The following MFN1 variants were observed in gnomAD, a reference collection of about 807,000 sequenced individuals.
MFN1 encodes the protein mitofusin 1, also known as mitofusin-1.
In MFN1, 65 loss-of-function variants were observed where a neutral mutation model predicts 92.4. That is an observed-to-expected ratio of 0.70 (90% confidence interval 0.58 to 0.86). The LOEUF (loss-of-function observed/expected upper bound fraction) is 0.86. MFN1 is among the 40% of genes least tolerant of loss of function. The pLI is 0.00. For missense variants in MFN1, 781 were observed against 868.0 expected (o/e 0.90, Z 1.26); for synonymous variants, 297 against 300.9 (o/e 0.99, Z 0.13).
intron 10 of MFN1, among the ~76,000 whole-genome samples, chr3:179,375,619 G>A (rs1224920979): frequency 2.0e-5 from 3 of 152,286 alleles, no homozygotes; most frequent in Non-Finnish European, 2.9e-5. Context: ...TATCTTTGAA[G>A]CAGTGGAAGA....
chr3:179,389,346 AGTTC>A (rs1560202492), intron 16 of MFN1, among the ~76,000 whole-genome samples: 5 of 152,194 alleles, frequency 3.3e-5, no homozygotes, highest in Admixed American at 2.0e-4. Flanking sequence ...CCCACGCAGC[AGTTC>A]ATGCTAGGGG....
At chr3:179,373,122 G>A (rs528939314) in intron 9 of MFN1, among the ~76,000 whole-genome samples, 43 of 152,176 alleles carry the variant, frequency 2.8e-4, no homozygotes, top group Non-Finnish European at 5.3e-4. Context: ...ATGCAAGAAA[G>A]TAATGGCTTC....
chr3:179,351,855 A>C (rs1712158941), intron 2 of MFN1, 45 bp from the exon 3 acceptor site: 2 of 1,551,542 alleles, frequency 1.3e-6, no homozygotes, highest in Non-Finnish European at 1.8e-6. Context: ...TAACTAACTT[A>C]ATATTCATTT....
chr3:179,356,882 G>A (rs1712364020), intron 3 of MFN1, among the ~76,000 whole-genome samples: 1 of 152,194 alleles, frequency 6.6e-6, no homozygotes, highest in Non-Finnish European at 1.5e-5. Flanking sequence ...CCAGGTTGCA[G>A]CAGAGAAGAG....
chr3:179,365,329 C>G (rs1712746369), intron 7 of MFN1, 104 bp downstream of exon 7: 1 of 659,968 alleles, frequency 1.5e-6, no homozygotes, highest in Non-Finnish European at 2.4e-6. Flanking sequence ...AAGAGCTATT[C>G]CATGAAAAGA....
rs778214715 is a variant in MFN1 at position 179,391,991 on chromosome 3, G to A, written c.2158G>A (p.Val720Ile). ...TATTTTTTTAATTAGAAATAAAGCTGTTCAACTTGAAAATGAGCTGGAGAA... is the reference window on the plus strand; with the variant it reads ...TATTTTTTTAATTAGAAATAAAGCTATTCAACTTGAAAATGAGCTGGAGAA... ...NNSKLLRNKAVQLENELENFT... is the reference protein window; with the variant it reads ...NNSKLLRNKAIQLENELENFT... The change falls in exon 18 of 18, where the codon GTT becomes ATT. Residue 720 changes from valine (V) to isoleucine (I), a missense_variant. Coordinates refer to ENST00000471841, the MANE Select transcript of MFN1 (RefSeq NM_033540.3). 24 of 1,601,828 alleles carry A rather than the reference G, an allele frequency of 1.5e-5. No homozygotes were observed. The highest frequency in any genetic ancestry group is 1.5e-5 in the Non-Finnish European group (17 of 1,169,890).
Position 179,392,671 on chromosome 3 carries a change from AT to A in MFN1, c.*615del, listed in dbSNP as rs1713954445. 6.6e-6 allele frequency: 1 copy of A among 152,216 alleles called. No homozygotes were observed. Among genetic ancestry groups the A allele is most frequent in the African/African-American group, 2.4e-5 (1 of 41,456 alleles). The allele number at this position is 152,216 out of a possible 1,614,324, so 9.4% of individuals were successfully genotyped here. On this transcript the variant is annotated 3_prime_UTR_variant, in exon 18 of 18. Coordinates refer to ENST00000471841, the MANE Select transcript of MFN1 (RefSeq NM_033540.3). ...ACTTATAAGTATCTGGGTCTAAGTA[AT>A]TTCCTTAGATGTTTCTAAAGAAACA...
chr3:179,372,159 C>T (rs988971710), intron 9 of MFN1, among the ~76,000 whole-genome samples: 2 of 147,268 alleles, frequency 1.4e-5, no homozygotes, highest in East Asian at 2.0e-4. Flanking sequence ...GTATCGAGCG[C>T]GAGTATGGAG....
At chr3:179,384,686 C>T (rs1713602495) in intron 14 of MFN1, among the ~76,000 whole-genome samples, 2 of 152,156 alleles carry the variant, frequency 1.3e-5, no homozygotes, top group African/African-American at 2.4e-5. Context: ...GCATGTGCCA[C>T]CACACCTAGC....
intron 1 of MFN1, chr3:179,348,260 G>A (rs1711998896): frequency 6.6e-6 from 1 of 152,458 alleles, no homozygotes. Context: ...GTACACACCA[G>A]GATTAGACCG....
chr3:179,373,649 TTG>T (rs1713107276), intron 9 of MFN1, among the ~76,000 whole-genome samples: 1 of 152,024 alleles, frequency 6.6e-6, no homozygotes, highest in African/African-American at 2.4e-5. Context: ...ATAAGACAAA[TTG>T]TAATATAAAA....
intron 3 of MFN1, among the ~76,000 whole-genome samples, chr3:179,355,958 GAA>G (rs1189093634): frequency 6.7e-6 from 1 of 149,010 alleles, no homozygotes; most frequent in Non-Finnish European, 1.5e-5. Flanking sequence ...TCTCAAACAA[GAA>G]AAAAAAATGC....
chr3:179,385,554 C>CTT lies in MFN1; in HGVS notation c.1663-7_1663-6dup, dbSNP rs35893655. 0.11 allele frequency: 147,289 copies of CTT among 1,392,794 alleles called. 4,373 individuals carry two copies. The highest frequency in any genetic ancestry group is 0.32 in the East Asian group (12,401 of 38,688). The allele number at this position is 1,392,794 out of a possible 1,614,324, so 86.3% of individuals were successfully genotyped here. A position where few individuals can be genotyped will look rare whatever the true frequency, so the allele number is the denominator to read the frequency against. ...TTAAGTGTAATCTTTTTTCCTTTCTCTTTTTTTTTGGCAGCTCCCTAGATC... is the reference window on the plus strand; with the variant it reads ...TTAAGTGTAATCTTTTTTCCTTTCTCTTTTTTTTTTTGGCAGCTCCCTAGATC... On this transcript the variant is annotated splice_polypyrimidine_tract_variant and intron_variant, in intron 14 of 17. Coordinates refer to ENST00000471841, the MANE Select transcript of MFN1 (RefSeq NM_033540.3).
In MFN1 at chr3:179,362,326, GA is replaced by G. The variant is rs745845816; in HGVS notation, c.412-31del. 2.6e-6 allele frequency: 4 copies of G among 1,542,914 alleles called. No individual in the cohort carries two copies. In the South Asian group the frequency reaches 5.1e-5, roughly 20 times the overall value. On this transcript the variant is annotated intron_variant, in intron 4 of 17. Transcript: ENST00000471841. ...TTTTTATTGAATTTTATTACAAGTG[GA>G]GTTTATTTTTTTCTTTTCCTCCTGC... is the stretch of plus-strand genomic sequence containing the variant.
rs758534738 is a variant in MFN1, at chr3:179,364,317, C to T, written c.557C>T (p.Thr186Ile). The change falls in exon 6 of 18, where the codon ACA (threonine) becomes ATA (isoleucine). Residue 186 changes from threonine to isoleucine, a missense_variant. Thr to Ile is a moderately conservative substitution (Grantham distance 89). Coordinates refer to ENST00000471841, the MANE Select transcript of MFN1 (RefSeq NM_033540.3). ...LVDSPGTDVT[T>I]ELDSWIDKFC... Reference sequence around the variant, plus strand: ...ATTAGTCCAGGCACAGATGTCACTACAGAGCTGGATAGCTGGATTGATAAG... The same window carrying T: ...ATTAGTCCAGGCACAGATGTCACTATAGAGCTGGATAGCTGGATTGATAAG... 7 of 1,613,190 alleles carry T rather than the reference C, an allele frequency of 4.3e-6. No homozygotes were observed. The highest frequency in any genetic ancestry group is 5.9e-6 in the Non-Finnish European group (7 of 1,179,534).
chr3:179,374,200 G>T (rs1036953719), intron 9 of MFN1, among the ~76,000 whole-genome samples: 11 of 150,888 alleles, frequency 7.3e-5, no homozygotes, highest in African/African-American at 2.7e-4. Context: ...CTACTTGGGA[G>T]GCTAAAGTAG....
rs370885709 is a variant in MFN1, at chr3:179,378,780, G to A, written c.1628G>A (p.Arg543Lys). ...HRFLGPRNAQ[R>K]VLLGLSEPIF... ...TTTTTGGGCCCTAGAAATGCTCAAA[G>A]GGTGCTCCTAGGATTATCAGAGCCT... is the stretch of plus-strand genomic sequence containing the variant. The change falls in exon 14 of 18, where the codon AGG becomes AAG. Residue 543 changes from arginine to lysine, a missense_variant. Physicochemically the swap from Arg to Lys is conservative, Grantham distance 26. Coordinates refer to ENST00000471841, the MANE Select transcript of MFN1 (RefSeq NM_033540.3). The A allele has an allele frequency of 3.1e-6, 5 of 1,613,582 alleles. No individual in the cohort carries two copies. The African/African-American group carries it at 6.7e-5, about 22-fold the overall frequency.
At chr3:179,367,843 A>G (rs2108538012) in intron 8 of MFN1, among the ~76,000 whole-genome samples, 193 bp from the exon 9 acceptor site, 1 of 151,640 alleles carries the variant, frequency 6.6e-6, no homozygotes, top group Admixed American at 6.6e-5. Flanking sequence ...AAATTGCTTG[A>G]ACCCAGGAGG....
chr3:179,365,146 A>C lies in MFN1; in HGVS notation c.674A>C (p.Glu225Ala), dbSNP rs1194293640. Residue 225 changes from glutamate (E) to alanine (A), a missense_variant, in exon 7 of 18, where the codon GAG (glutamate) becomes GCG (alanine). By Grantham distance (107) the Glu-to-Ala change is moderately radical. Transcript: ENST00000471841. ...AAACACTTTTTTCACAAGGTGAATG[A>C]GCGGCTTTCCAAGCCTAATATTTTC... Reference protein sequence around the residue: ...TEKHFFHKVNERLSKPNIFIL... With the variant: ...TEKHFFHKVNARLSKPNIFIL... 1 of 1,552,360 alleles carries C rather than the reference A, an allele frequency of 6.4e-7. No individual in the cohort carries two copies. Among genetic ancestry groups the C allele is most frequent in the African/African-American group, 1.4e-5 (1 of 70,816 alleles).
Sources: gnomAD v4.1 joint callset for allele counts (sites outside exome capture counted in the v4.1 genomes callset) on GRCh38, gnomAD v4.1.1 for gene constraint, MANE v1.5 for transcripts, NCBI Gene and HGNC (gene_info 2026-07-23, HGNC 2026-07-21) for gene names.